Variants in TMEM178B observed in about 807,000 individuals in gnomAD.
The protein encoded by TMEM178B is transmembrane protein 178B.
Under a neutral mutation model 31.0 loss-of-function variants are expected in TMEM178B, and 5 were observed. The ratio of observed to expected loss-of-function variants is 0.16; its 90% confidence interval spans 0.08 to 0.34. TMEM178B has a LOEUF of 0.34. Among genes scored for constraint, TMEM178B ranks in the 10% least tolerant of loss-of-function variants. The pLI is 1.00. For missense variants in TMEM178B, 275 were observed against 400.3 expected, an observed-to-expected ratio of 0.69 and a Z score of 2.67; for synonymous variants, 164 against 164.0, an observed-to-expected ratio of 1.00 and a Z score of 0.00.
intron 2 of TMEM178B, chr7:141,429,740 G>C (rs921701365): frequency 1.3e-5 from 2 of 152,194 alleles, no homozygotes; most frequent in African/African-American, 4.8e-5. Flanking sequence ...TTCATTTGTT[G>C]ATGAGCTAGA....
rs1037374441 is a variant in TMEM178B at position 141,472,919 on chromosome 7, G to T, written c.*2133G>T. ...TGTACGTTTGTGTCAGTACACACCT[G>T]CACACAGGTGTGGGTGCCCTACTCA... On this transcript the variant is annotated 3_prime_UTR_variant, in exon 4 of 4. Transcript: ENST00000565468. 3 of 152,164 alleles carry T rather than the reference G, an allele frequency of 2.0e-5. No homozygotes were observed. The highest frequency in any genetic ancestry group is 7.2e-5 in the African/African-American group (3 of 41,428). 9.4% of individuals were successfully genotyped at this position (152,164 alleles called of 1,614,324 possible).
intron 2 of TMEM178B, among the ~76,000 whole-genome samples, chr7:141,272,866 T>G (rs1245861251): frequency 6.6e-6 from 1 of 152,258 alleles, no homozygotes; most frequent in Non-Finnish European, 1.5e-5. Flanking sequence ...AATCATCTTC[T>G]GGGTGTGTAT....
chr7:141,255,182 A>G (rs1797906640), intron 2 of TMEM178B, among the ~76,000 whole-genome samples: 1 of 152,154 alleles, frequency 6.6e-6, no homozygotes, highest in Admixed American at 6.5e-5. Context: ...TTCTCTTGTC[A>G]AGGTCCCTGC....
At chr7:141,396,157 G>A (rs1340297253) in intron 2 of TMEM178B, among the ~76,000 whole-genome samples, 1 of 152,062 alleles carries the variant, frequency 6.6e-6, no homozygotes, top group Admixed American at 6.5e-5. Context: ...GGTTGGGGGT[G>A]GCCATGCCAT....
intron 2 of TMEM178B, among the ~76,000 whole-genome samples, chr7:141,316,660 A>G (rs970937475): frequency 6.6e-5 from 10 of 152,172 alleles, no homozygotes; most frequent in African/African-American, 1.2e-4. Context: ...AGTACCTACT[A>G]AGGGCTGAGG....
intron 1 of TMEM178B, among the ~76,000 whole-genome samples, chr7:141,122,454 A>T (rs1795425228): frequency 6.6e-6 from 1 of 152,230 alleles, no homozygotes; most frequent in African/African-American, 2.4e-5. Context: ...TATGCTTGTC[A>T]GTCTCAGAGC....
At chr7:141,200,095 G>T (rs1027854617) in intron 1 of TMEM178B, among the ~76,000 whole-genome samples, 1 of 151,810 alleles carries the variant, frequency 6.6e-6, no homozygotes, top group African/African-American at 2.4e-5. Flanking sequence ...TGCCCAGGCT[G>T]GTCTTGAACC....
chr7:141,409,264 A>G (rs1421584738), intron 2 of TMEM178B, among the ~76,000 whole-genome samples: 7 of 152,188 alleles, frequency 4.6e-5, no homozygotes, highest in African/African-American at 1.7e-4. Flanking sequence ...GGCTGGCAAG[A>G]GGAGAGAAGA....
intron 2 of TMEM178B, among the ~76,000 whole-genome samples, chr7:141,337,672 C>G (rs1465138759): frequency 2.6e-5 from 4 of 152,136 alleles, no homozygotes; most frequent in African/African-American, 9.7e-5. Flanking sequence ...TATGTGTGTG[C>G]TTTTGTATCT....
intron 1 of TMEM178B, among the ~76,000 whole-genome samples, chr7:141,200,434 G>T (rs1185634978): frequency 1.3e-5 from 2 of 152,110 alleles, no homozygotes; most frequent in African/African-American, 4.8e-5. Context: ...AGACAGGATG[G>T]CTTGAAGGAG....
chr7:141,476,786 G>C lies in TMEM178B; in HGVS notation c.*6000G>C, dbSNP rs1802372051. On this transcript the variant is annotated 3_prime_UTR_variant, in exon 4 of 4. Coordinates refer to ENST00000565468, the MANE Select transcript of TMEM178B (RefSeq NM_001195278.2). Reference sequence around the variant, plus strand: ...GCTTTGCAGCGGATCAAGTGTCCTTGTGAGGGTGAGACTTCCTTCAAGGGA... The same window carrying C: ...GCTTTGCAGCGGATCAAGTGTCCTTCTGAGGGTGAGACTTCCTTCAAGGGA... The C allele has an allele frequency of 6.5e-6, 1 of 153,988 alleles. No individual in the cohort carries two copies. Among genetic ancestry groups the C allele is most frequent in the African/African-American group, 2.4e-5 (1 of 41,512 alleles). The allele number at this position is 153,988 out of a possible 1,614,324, so 9.5% of individuals were successfully genotyped here. A position where few individuals can be genotyped will look rare whatever the true frequency, so the allele number is the denominator to read the frequency against.
the TMEM178B span, among the ~76,000 whole-genome samples, chr7:141,507,095 G>C: frequency 6.6e-6 from 1 of 152,182 alleles, no homozygotes; most frequent in African/African-American, 2.4e-5. Flanking sequence ...CCTCCCAGCT[G>C]CTTTCATGGG....
intron 1 of TMEM178B, among the ~76,000 whole-genome samples, chr7:141,090,846 C>T (rs1050250909): frequency 2.0e-5 from 3 of 152,118 alleles, no homozygotes; most frequent in South Asian, 2.1e-4. Flanking sequence ...AGGGTCTTAC[C>T]GAGAAGCAGA....
At chr7:141,313,882 T>A (rs1198658757) in intron 2 of TMEM178B, among the ~76,000 whole-genome samples, 1 of 151,578 alleles carries the variant, frequency 6.6e-6, no homozygotes, top group African/African-American at 2.4e-5. Flanking sequence ...AGGACCCCCC[T>A]GATGAGACCA....
At chr7:141,384,373 T>C (rs10215573) in intron 2 of TMEM178B, among the ~76,000 whole-genome samples, 21,013 of 152,246 alleles carry the variant, frequency 0.14, 1,584 homozygotes, top group Non-Finnish European at 0.17. Context: ...AAGTCTTTAA[T>C]CCATCTTGAA....
At chr7:141,177,864 C>T (rs552946031) in intron 1 of TMEM178B, among the ~76,000 whole-genome samples, 1 of 152,280 alleles carries the variant, frequency 6.6e-6, no homozygotes, top group Non-Finnish European at 1.5e-5. Context: ...CTCCTGAATA[C>T]AGCACACTGA....
chr7:141,201,252 G>C (rs1796872602), intron 1 of TMEM178B, among the ~76,000 whole-genome samples: 1 of 152,204 alleles, frequency 6.6e-6, no homozygotes, highest in Non-Finnish European at 1.5e-5. Context: ...ACCAGACCTG[G>C]GAGCCGGTGG....
chr7:141,378,815 G>C (rs543750479), intron 2 of TMEM178B, among the ~76,000 whole-genome samples: 2 of 152,326 alleles, frequency 1.3e-5, no homozygotes, highest in South Asian at 4.1e-4. Context: ...ATGGTAGCGA[G>C]AGTGAAAGAA....
intron 2 of TMEM178B, among the ~76,000 whole-genome samples, chr7:141,358,290 A>T (rs984412392): frequency 6.6e-6 from 1 of 152,188 alleles, no homozygotes; most frequent in African/African-American, 2.4e-5. Flanking sequence ...CTATTTAAAG[A>T]TGCATGCTCC....
Sources: allele counts gnomAD v4.1 joint callset (sites outside exome capture counted in the v4.1 genomes callset), GRCh38; gene constraint gnomAD v4.1.1; transcripts MANE v1.5; gene names NCBI Gene and HGNC (gene_info 2026-07-23, HGNC 2026-07-21).